The following SHC4 variants were observed in gnomAD, a reference collection of about 807,000 sequenced individuals.
The protein encoded by SHC4 is SHC-transforming protein 4.
A neutral mutation model predicts 69.4 loss-of-function variants in SHC4; 41 were observed. The ratio of observed to expected loss-of-function variants is 0.59; its 90% CI spans 0.46 to 0.77. The LOEUF (loss-of-function observed/expected upper bound fraction) is 0.77. SHC4 is among the 30% of genes least tolerant of loss of function. SHC4 has a pLI of 0.00. For synonymous variants in SHC4, 318 were observed against 299.3 expected (o/e 1.06, Z -0.64); for missense variants, 777 against 783.8 (o/e 0.99, Z 0.10).
chr15:48,962,823 G>C lies in SHC4; in HGVS notation c.193C>G (p.Pro65Ala). ...GTGGCATCTTCAGTCGGCAGGTGAG[G>C]TGCCAGGGCGGGGTGGGGAGGCTGC... ...SPQPPHPALAPHLPTEDATLP... is the reference protein window; with the variant it reads ...SPQPPHPALAAHLPTEDATLP... Residue 65 changes from proline to alanine, a missense_variant, in exon 1 of 12, where the codon CCT (proline) becomes GCT (alanine). By Grantham distance (27) the Pro-to-Ala change is conservative (BLOSUM62 -1). Coordinates refer to ENST00000332408, the MANE Select transcript of SHC4 (RefSeq NM_203349.4). 1 of 1,612,678 alleles carries C rather than the reference G, an allele frequency of 6.2e-7. No individual in the cohort carries two copies. The highest frequency in any genetic ancestry group is 8.5e-7 in the Non-Finnish European group (1 of 1,179,968).
At chr15:48,935,723 G>A (rs1297517676) in intron 1 of SHC4, among the ~76,000 whole-genome samples, 2 of 152,110 alleles carry the variant, frequency 1.3e-5, no homozygotes, top group African/African-American at 4.8e-5. Context: ...AGAAGCGGGA[G>A]TAGGGCATCT....
chr15:48,936,915 A>G lies in SHC4; in HGVS notation c.586-11966T>C, dbSNP rs16961898. Among the ~76,000 whole-genome samples the G allele has an allele frequency of 5.3e-3, 814 of 152,282 alleles. 7 individuals carry two copies. Among genetic ancestry groups the G allele is most frequent in the African/African-American group, 0.019 (771 of 41,564 alleles). ...CACAGGGGAATTTGTTTGAACTAAG[A>G]GAGGTTTCATCTCTGCCTACAGACT... is the stretch of plus-strand genomic sequence containing the variant. On this transcript the variant is annotated intron_variant, in intron 1 of 11. Transcript: ENST00000332408.
chr15:48,923,068 G>A (rs1900779954), intron 2 of SHC4, among the ~76,000 whole-genome samples: 1 of 152,206 alleles, frequency 6.6e-6, no homozygotes, highest in Non-Finnish European at 1.5e-5. Context: ...CAAAAAACAG[G>A]ATTATATAAT....
At chr15:48,859,210 CTTATG>C (rs1346758115) in intron 6 of SHC4, among the ~76,000 whole-genome samples, 2 of 151,966 alleles carry the variant, frequency 1.3e-5, no homozygotes, top group Non-Finnish European at 2.9e-5. Flanking sequence ...GTTTCTCAGC[CTTATG>C]TTAATAATCA....
At chr15:48,835,979 A>G (rs939431531) in intron 10 of SHC4, among the ~76,000 whole-genome samples, 8 of 138,944 alleles carry the variant, frequency 5.8e-5, no homozygotes, top group Non-Finnish European at 1.1e-4. Flanking sequence ...GGAGTTCGAG[A>G]CCAGCCTGGG....
intron 10 of SHC4, among the ~76,000 whole-genome samples, 169 bp from the exon 11 acceptor site, chr15:48,835,191 G>A (rs572610195): frequency 6.6e-6 from 1 of 152,268 alleles, no homozygotes; most frequent in South Asian, 2.1e-4. Context: ...ACTCCCAACA[G>A]GCTTTAATTT....
At chr15:48,859,306 G>GGTGTGTGTGTGTGT (rs58641880) in intron 6 of SHC4, among the ~76,000 whole-genome samples, 24 of 145,924 alleles carry the variant, frequency 1.6e-4, no homozygotes, top group African/African-American at 5.4e-4. Context: ...ATTTGAAAGG[G>GGTGTGTGTGTGTGT]GTGTGTGTGT....
chr15:48,887,492 G>C (rs1053761673), intron 3 of SHC4, among the ~76,000 whole-genome samples: 1 of 152,068 alleles, frequency 6.6e-6, no homozygotes, highest in South Asian at 2.1e-4. Flanking sequence ...AAAACTTATG[G>C]GATGCAGTGA....
intron 4 of SHC4, chr15:48,879,617 A>C (rs2140999903): frequency 6.0e-6 from 1 of 167,208 alleles, no homozygotes; most frequent in Middle Eastern, 3.4e-3. Flanking sequence ...CTGTTAATAA[A>C]AGTTGTCAAG....
intron 11 of SHC4, among the ~76,000 whole-genome samples, chr15:48,828,892 G>A (rs533872074): frequency 2.6e-5 from 4 of 152,064 alleles, no homozygotes; most frequent in Admixed American, 6.6e-5. Context: ...AGTTGTAGGC[G>A]TTCCTTATAT....
At chr15:48,864,693 C>T (rs991422963) in intron 6 of SHC4, among the ~76,000 whole-genome samples, 2 of 151,972 alleles carry the variant, frequency 1.3e-5, no homozygotes, top group Non-Finnish European at 2.9e-5. Context: ...ATGATCTGCC[C>T]GCCTCGGCCT....
chr15:48,899,485 A>G (rs1407423834), intron 2 of SHC4, among the ~76,000 whole-genome samples: 1 of 152,164 alleles, frequency 6.6e-6, no homozygotes, highest in African/African-American at 2.4e-5. Flanking sequence ...ATAAATGAAT[A>G]AATAAATAAA....
intron 1 of SHC4, among the ~76,000 whole-genome samples, chr15:48,957,000 CAG>C (rs1901468200): frequency 1.0e-5 from 1 of 98,614 alleles, no homozygotes; most frequent in African/African-American, 4.0e-5. Context: ...TTTTTTGAGA[CAG>C]AGTCTTGCTC....
In SHC4 at chr15:48,913,567, A is replaced by C. The variant is rs552442355; in HGVS notation, c.656+11312T>G. Among the ~76,000 whole-genome samples the C allele has an allele frequency of 1.0e-3, 152 of 152,116 alleles. 1 individual carries two copies. Among genetic ancestry groups the C allele is most frequent in the Non-Finnish European group, 1.2e-3 (83 of 68,008 alleles). Reference sequence around the variant, plus strand: ...GTAAAGGTCTTGGTTCTTTCCCTACATGTGGAGTCTGAGCACAGGATTTGT... The same window carrying C: ...GTAAAGGTCTTGGTTCTTTCCCTACCTGTGGAGTCTGAGCACAGGATTTGT... On this transcript the variant is annotated intron_variant, in intron 2 of 11. Transcript: ENST00000332408.
chr15:48,933,726 A>G (rs927780819), intron 1 of SHC4, among the ~76,000 whole-genome samples: 40 of 152,210 alleles, frequency 2.6e-4, no homozygotes, highest in African/African-American at 8.2e-4. Flanking sequence ...CACAATCAAG[A>G]TAATGTGGTA....
At chr15:48,917,653 A>G (rs1439549599) in intron 2 of SHC4, among the ~76,000 whole-genome samples, 1 of 152,190 alleles carries the variant, frequency 6.6e-6, no homozygotes, top group Non-Finnish European at 1.5e-5. Context: ...ACAACAGTAA[A>G]AGCCATTCAA....
At chr15:48,836,545 T>C (rs1230231961) in intron 10 of SHC4, among the ~76,000 whole-genome samples, 1 of 151,998 alleles carries the variant, frequency 6.6e-6, no homozygotes, top group Non-Finnish European at 1.5e-5. Flanking sequence ...CTAGACTTTG[T>C]TTCTTTTTTT....
At chr15:48,882,458 G>A (rs981410861) in intron 4 of SHC4, among the ~76,000 whole-genome samples, 2 of 152,056 alleles carry the variant, frequency 1.3e-5, no homozygotes, top group African/African-American at 2.4e-5. Context: ...AAAACCACCC[G>A]TTATCCTCAC....
rs1467422175 is a variant in SHC4 at position 48,824,235 on chromosome 15, T to TA, written c.*1735dup. On this transcript the variant is annotated 3_prime_UTR_variant, in exon 12 of 12. Coordinates refer to ENST00000332408, the MANE Select transcript of SHC4 (RefSeq NM_203349.4). ...TCTAAAAAATTAATGGCAGTAGAAA[T>TA]AAAAATCATAAGCCTTTACAGTAAA... 6.6e-6 allele frequency: 1 copy of TA among 152,128 alleles called. No individual in the cohort carries two copies. Among genetic ancestry groups the TA allele is most frequent in the Non-Finnish European group, 1.5e-5 (1 of 68,020 alleles). 9.4% of individuals were successfully genotyped at this position (152,128 alleles called of 1,614,324 possible).
Sources: gnomAD v4.1 joint callset for allele counts (sites outside exome capture counted in the v4.1 genomes callset) on GRCh38, gnomAD v4.1.1 for gene constraint, MANE v1.5 for transcripts, NCBI Gene and HGNC (gene_info 2026-07-23, HGNC 2026-07-21) for gene names.